The following TRIM39 variants were observed in gnomAD, a reference collection of about 807,000 sequenced individuals.
TRIM39 encodes E3 ubiquitin-protein ligase TRIM39.
A neutral mutation model predicts 53.6 loss-of-function variants in TRIM39; 5 were observed. The observed-to-expected ratio is 0.09, with a 90% confidence interval of 0.05 to 0.20. TRIM39 has a LOEUF of 0.20. TRIM39 is among the 10% of genes least tolerant of loss of function. The pLI is 1.00. For synonymous variants in TRIM39, 196 were observed against 237.6 expected, an observed-to-expected ratio of 0.82 and a Z score of 1.61; for missense variants, 310 against 621.0, an observed-to-expected ratio of 0.50 and a Z score of 5.32.
rs1218841055 is a variant in TRIM39, at chr6:30,339,462, T to TATTA, written c.781-444_781-441dup. On this transcript the variant is annotated intron_variant, in intron 5 of 7. Coordinates refer to ENST00000396551, the Ensembl canonical transcript of TRIM39. The surrounding 1 kb of genome is among the most constrained non-coding windows in gnomAD (Gnocchi z 4.2). ...CTGTGCCCAGCCAGTTATTGATGTT[T>TATTA]ATTAACTAATGCAAGACAGGGGATA... Among the ~76,000 whole-genome samples, 2 of 152,292 alleles carry TATTA rather than the reference T, an allele frequency of 1.3e-5. No individual in the cohort carries two copies. The highest frequency in any genetic ancestry group is 2.9e-5 in the Non-Finnish European group (2 of 68,020).
At chr6:30,337,008 T>C (rs1786944019) in intron 5 of TRIM39, among the ~76,000 whole-genome samples, 1 of 152,254 alleles carries the variant, frequency 6.6e-6, no homozygotes, top group Non-Finnish European at 1.5e-5. Context: ...AATCTCATTT[T>C]ACATCTCTAT....
At chr6:30,343,001 G>C (rs1354695507) in exon 8 of TRIM39, 1 of 152,710 alleles carries the variant, frequency 6.5e-6, no homozygotes. Flanking sequence ...TTGGCTTATT[G>C]CCTGCCTCTA....
intron 5 of TRIM39, chr6:30,336,215 G>T: frequency 1.4e-6 from 1 of 731,038 alleles, no homozygotes; most frequent in Non-Finnish European, 2.4e-6. Flanking sequence ...CCAAAGAAAA[G>T]ATTCATTCTT....
intron 1 of TRIM39, among the ~76,000 whole-genome samples, chr6:30,328,178 A>T (rs753354849): frequency 1.3e-5 from 2 of 152,196 alleles, no homozygotes; most frequent in African/African-American, 2.4e-5. Flanking sequence ...TTAATTCGCA[A>T]CCACTCCAGG....
In TRIM39 at chr6:30,329,051, AAGAT is replaced by A. The variant is rs1265534753; in HGVS notation, c.-8+15_-8+18del. On this transcript the variant is annotated intron_variant, in intron 2 of 7. Transcript: ENST00000396551. ...ACAAGAGAAAGCAGAGGTAAGAGACAAGATAGATCAATTGGGGGTTGTGTGTCAG... is the reference window on the plus strand; with the variant it reads ...ACAAGAGAAAGCAGAGGTAAGAGACAAGATCAATTGGGGGTTGTGTGTCAG... The A allele has an allele frequency of 1.4e-5, 7 of 487,944 alleles. No homozygotes were observed. The highest frequency in any genetic ancestry group is 2.5e-5 in the Non-Finnish European group (7 of 277,532). The allele number at this position is 487,944 out of a possible 1,614,324, so 30.2% of individuals were successfully genotyped here. A position where few individuals can be genotyped will look rare whatever the true frequency, so the allele number is the denominator to read the frequency against.
chr6:30,335,594 A>G lies in TRIM39; in HGVS notation c.550-151A>G. 1 of 1,084,474 alleles carries G rather than the reference A, an allele frequency of 9.2e-7. No homozygotes were observed. Among genetic ancestry groups the G allele is most frequent in the Non-Finnish European group, 1.3e-6 (1 of 775,402 alleles). The allele number at this position is 1,084,474 out of a possible 1,614,324, so 67.2% of individuals were successfully genotyped here. On this transcript the variant is annotated intron_variant, in intron 4 of 7. Transcript: ENST00000396551. The surrounding 1 kb of genome is among the most constrained non-coding windows in gnomAD (Gnocchi z 4.7). ...TCCCTCGGCCTCCCAAAGTCCTGGG[A>G]TTACAGTCATGTGTCACCACACCCA...
intron 3 of TRIM39, 138 bp from the exon 4 acceptor site, chr6:30,330,643 G>A (rs1582007651): frequency 1.1e-6 from 1 of 872,504 alleles, no homozygotes. Context: ...TGACAGGCAA[G>A]GAAGGAAGTC....
exon 8 of TRIM39, chr6:30,341,929 A>G (rs774854188): frequency 1.2e-6 from 2 of 1,613,048 alleles, no homozygotes; most frequent in African/African-American, 1.3e-5. Flanking sequence ...CAGTGGGTGT[A>G]TGCCGGGACT....
chr6:30,332,156 G>A (rs1430691398), intron 4 of TRIM39, among the ~76,000 whole-genome samples: 1 of 152,216 alleles, frequency 6.6e-6, no homozygotes, highest in East Asian at 1.9e-4. Flanking sequence ...AGATCATAAA[G>A]CCAGTAAGTG....
chr6:30,334,768 C>T (rs1449268783), intron 4 of TRIM39, among the ~76,000 whole-genome samples: 1 of 152,180 alleles, frequency 6.6e-6, no homozygotes, highest in Non-Finnish European at 1.5e-5. Context: ...GACAGAATCT[C>T]ACTCACCCAG....
intron 6 of TRIM39, chr6:30,340,255 A>T (rs541813800): frequency 6.2e-7 from 1 of 1,608,694 alleles, no homozygotes; most frequent in East Asian, 2.2e-5. Context: ...GCAATCATCC[A>T]TTTGCATGAA....
At position 30,339,615 on chromosome 6, in the gene TRIM39, C is replaced by G. The variant is rs368615056; in HGVS notation, c.781-293C>G. On this transcript the variant is annotated intron_variant, in intron 5 of 7. Coordinates refer to ENST00000396551, the Ensembl canonical transcript of TRIM39. The surrounding 1 kb of genome is among the most constrained non-coding windows in gnomAD (Gnocchi z 4.2). The stretch of plus-strand genomic sequence containing the variant: ...ACAGAGTAAAGAATTGATACAATCC[C>G]TGTCCCTTATAGGGAGCTCCCAGCA... Among the ~76,000 whole-genome samples, 7 of 152,176 alleles carry G rather than the reference C, an allele frequency of 4.6e-5. No homozygotes were observed. The highest frequency in any genetic ancestry group is 1.7e-4 in the African/African-American group (7 of 41,432).
chr6:30,340,004 G>T, intron 6 of TRIM39, 74 bp downstream of exon 6: 1 of 1,610,826 alleles, frequency 6.2e-7, no homozygotes, highest in African/African-American at 1.3e-5. Flanking sequence ...AGGAGTTTGG[G>T]TTGGGGGTGA....
exon 3 of TRIM39, chr6:30,329,644 A>G (rs1485045699): frequency 1.9e-5 from 30 of 1,612,922 alleles, no homozygotes; most frequent in Non-Finnish European, 2.5e-5. Context: ...TCTGCCCCCA[A>G]CACCATGAGG....
chr6:30,330,644 G>A, intron 3 of TRIM39, 137 bp from the exon 4 acceptor site: 1 of 883,040 alleles, frequency 1.1e-6, no homozygotes. Context: ...GACAGGCAAG[G>A]AAGGAAGTCA....
rs977447892 is a variant in TRIM39 at position 30,338,882 on chromosome 6, C to G, written c.781-1026C>G. On this transcript the variant is annotated intron_variant, in intron 5 of 7. Transcript: ENST00000396551. The surrounding 1 kb of genome is among the most constrained non-coding windows in gnomAD (Gnocchi z 4.0). ...GTGTTTGAAATATTTTGTTCTCTTA[C>G]GTAAATGAATGGTGTTAGCAAAACT... Among the ~76,000 whole-genome samples, 2 of 152,042 alleles carry G rather than the reference C, an allele frequency of 1.3e-5. No homozygotes were observed. The highest frequency in any genetic ancestry group is 4.8e-5 in the African/African-American group (2 of 41,376).
chr6:30,331,136 G>A (rs1786101639), intron 4 of TRIM39, among the ~76,000 whole-genome samples: 1 of 152,120 alleles, frequency 6.6e-6, no homozygotes, highest in African/African-American at 2.4e-5. Context: ...GGGCATGGTG[G>A]CACATGCCTG....
intron 4 of TRIM39, among the ~76,000 whole-genome samples, chr6:30,334,000 AACAC>A (rs149092381): frequency 5.9e-5 from 9 of 152,264 alleles, no homozygotes; most frequent in Admixed American, 3.3e-4. Context: ...CACATGTGCA[AACAC>A]ACACACACAA....
exon 3 of TRIM39, chr6:30,329,712 C>T: frequency 6.2e-7 from 1 of 1,613,070 alleles, no homozygotes; most frequent in Non-Finnish European, 8.5e-7. Context: ...TGTGCAATTT[C>T]CCACACCCAC....
Sources: allele counts gnomAD v4.1 joint callset (sites outside exome capture counted in the v4.1 genomes callset), GRCh38; gene constraint gnomAD v4.1.1; non-coding constraint Gnocchi (gnomAD v3.1); transcripts MANE v1.5; gene names NCBI Gene and HGNC (gene_info 2026-07-23, HGNC 2026-07-21).